Variants in ZBTB25 observed in about 807,000 individuals in gnomAD.
The protein encoded by ZBTB25 is zinc finger and BTB domain-containing protein 25.
ZBTB25 carries 20 observed loss-of-function variants against 34.2 expected under a neutral mutation model. The ratio of observed to expected loss-of-function variants is 0.58; its 90% CI spans 0.41 to 0.85. ZBTB25 has a LOEUF of 0.85. Ranked by LOEUF, ZBTB25 falls within the 40% of genes least tolerant of loss-of-function variation. ZBTB25 has a pLI of 0.00. For missense variants in ZBTB25, 437 were observed against 521.8 expected, an observed-to-expected ratio of 0.84 and a Z score of 1.58; for synonymous variants, 175 against 186.4, an observed-to-expected ratio of 0.94 and a Z score of 0.50.
At chr14:64,489,133 A>T (rs1367279334) in intron 2 of ZBTB25, among the ~76,000 whole-genome samples, 1 of 152,112 alleles carries the variant, frequency 6.6e-6, no homozygotes, top group East Asian at 1.9e-4. Context: ...CTGTGGTCCT[A>T]GCTACTAGGG....
At chr14:64,450,209 A>G (rs562341727) in intron 2 of ZBTB25, among the ~76,000 whole-genome samples, 1 of 152,372 alleles carries the variant, frequency 6.6e-6, no homozygotes, top group East Asian at 1.9e-4. Context: ...GTCAAAGTAC[A>G]GGTGGCAGAA....
At chr14:64,468,388 T>C in intron 2 of ZBTB25, 3 of 1,594,188 alleles carry the variant, frequency 1.9e-6, no homozygotes. Flanking sequence ...AAGAGTGCAG[T>C]GTAAAAATGG....
At chr14:64,503,548 G>T in intron 1 of ZBTB25, 113 bp downstream of exon 1, 3 of 986,122 alleles carry the variant, frequency 3.0e-6, no homozygotes, top group Non-Finnish European at 3.6e-6. Context: ...CCTCTCCCCA[G>T]CTACTTGCAT....
In ZBTB25 at chr14:64,485,092, T is replaced by C. The variant is rs2078844031; in HGVS notation, c.*1831A>G. On this transcript the variant is annotated 3_prime_UTR_variant, in exon 3 of 3. Transcript: ENST00000608382. ...CTCAACTGCCTTACACAATATCCAG[T>C]AGCTTTCTTCATTCAATCCTCAAGA... 1.0e-6 allele frequency: 1 copy of C among 985,356 alleles called. No individual in the cohort carries two copies. Among genetic ancestry groups the C allele is most frequent in the Admixed American group, 6.1e-5 (1 of 16,270 alleles). The allele number at this position is 985,356 out of a possible 1,614,324, so 61.0% of individuals were successfully genotyped here. A position where few individuals can be genotyped will look rare whatever the true frequency, so the allele number is the denominator to read the frequency against.
downstream of ZBTB25, among the ~76,000 whole-genome samples, chr14:64,477,015 A>G (rs2078726388): frequency 6.6e-6 from 1 of 152,216 alleles, no homozygotes; most frequent in African/African-American, 2.4e-5. Context: ...TACAAGTTCT[A>G]CCAATTTTGA....
intron 1 of ZBTB25, among the ~76,000 whole-genome samples, chr14:64,500,267 C>T (rs777781254): frequency 1.1e-4 from 17 of 151,950 alleles, no homozygotes; most frequent in African/African-American, 1.7e-4. Context: ...ATACTTCTTT[C>T]GCAATGGAAG....
In ZBTB25 at chr14:64,480,511, T is replaced by C; in HGVS notation, c.*6412A>G. 1 of 292,890 alleles carries C rather than the reference T, an allele frequency of 3.4e-6. No homozygotes were observed. 18.1% of individuals were successfully genotyped at this position (292,890 alleles called of 1,614,324 possible). A position where few individuals can be genotyped will look rare whatever the true frequency, so the allele number is the denominator to read the frequency against. On this transcript the variant is annotated 3_prime_UTR_variant, in exon 3 of 3. Transcript: ENST00000608382. ...GCATTTTTGCATCACACCTCCAAAA[T>C]GTTACCCAGTACAAAGACTACTTGC...
chr14:64,458,596 A>G, intron 2 of ZBTB25: 5 of 449,716 alleles, frequency 1.1e-5, no homozygotes, highest in South Asian at 1.1e-4. Context: ...ACTACAGGAG[A>G]GGTTAGACTC....
chr14:64,483,940 C>CAAAAAA lies in ZBTB25; in HGVS notation c.*2977_*2982dup, dbSNP rs71444659. 14 of 29,274 alleles carry CAAAAAA rather than the reference C, an allele frequency of 4.8e-4. 1 individual carries two copies. Among genetic ancestry groups the CAAAAAA allele is most frequent in the African/African-American group, 2.1e-3 (12 of 5,754 alleles). The allele number at this position is 29,274 out of a possible 1,614,324, so 1.8% of individuals were successfully genotyped here. A position where few individuals can be genotyped will look rare whatever the true frequency, so the allele number is the denominator to read the frequency against. ...GCCTGGCGACACAGCACGACTGTCT[C>CAAAAAA]AAAAAAAAAAAAAAAAAAAAAAAAA... On this transcript the variant is annotated 3_prime_UTR_variant, in exon 3 of 3. Transcript: ENST00000608382.
chr14:64,488,359 T>C (rs1851979571), intron 2 of ZBTB25, among the ~76,000 whole-genome samples: 1 of 150,476 alleles, frequency 6.6e-6, no homozygotes. Context: ...ATGCCAGCGG[T>C]AGAAAACTGA....
At chr14:64,468,620 C>A (rs375866913) in intron 2 of ZBTB25, 1 of 1,613,840 alleles carries the variant, frequency 6.2e-7, no homozygotes, top group South Asian at 1.1e-5. Context: ...AGAGCCCACA[C>A]GGGGGGCCTG....
chr14:64,471,022 A>G (rs1181768713), intron 2 of ZBTB25: 1 of 167,128 alleles, frequency 6.0e-6, no homozygotes, highest in Non-Finnish European at 1.5e-5. Context: ...GGGTGAATAG[A>G]AAAGTGAAAA....
chr14:64,469,419 T>G, intron 2 of ZBTB25: 2 of 1,613,704 alleles, frequency 1.2e-6, no homozygotes, highest in Non-Finnish European at 1.7e-6. Context: ...GCTATTATTA[T>G]TACAGACACT....
chr14:64,462,200 C>T (rs570195832), intron 2 of ZBTB25: 1 of 152,212 alleles, frequency 6.6e-6, no homozygotes, highest in South Asian at 2.1e-4. Context: ...GCAGGAGGAT[C>T]ACTTGAGCCC....
Position 64,485,747 on chromosome 14 carries a change from A to G in ZBTB25, c.*1176T>C. On this transcript the variant is annotated 3_prime_UTR_variant, in exon 3 of 3. Coordinates refer to ENST00000608382, the MANE Select transcript of ZBTB25 (RefSeq NM_006977.5). ...AAAATCAACCCAGGAAGCCCCAAAA[A>G]TCCTGACGCTGAGGGTAGAAACATG... 2 of 985,358 alleles carry G rather than the reference A, an allele frequency of 2.0e-6. No homozygotes were observed. The highest frequency in any genetic ancestry group is 9.4e-5 in the South Asian group (2 of 21,286). The allele number at this position is 985,358 out of a possible 1,614,324, so 61.0% of individuals were successfully genotyped here. A position where few individuals can be genotyped will look rare whatever the true frequency, so the allele number is the denominator to read the frequency against.
At chr14:64,492,299 T>C (rs1013800410) in intron 1 of ZBTB25, among the ~76,000 whole-genome samples, 6 of 151,910 alleles carry the variant, frequency 3.9e-5, no homozygotes, top group South Asian at 2.1e-4. Flanking sequence ...CTCCGCCTCC[T>C]GGGTTTAAGC....
At chr14:64,474,689 C>G (rs1175045656), downstream of ZBTB25, among the ~76,000 whole-genome samples, 1 of 152,198 alleles carries the variant, frequency 6.6e-6, no homozygotes, top group African/African-American at 2.4e-5. Context: ...ATATAAACAC[C>G]TACAATGCTG....
chr14:64,454,802 C>A, intron 2 of ZBTB25: 1 of 1,614,134 alleles, frequency 6.2e-7, no homozygotes, highest in South Asian at 1.1e-5. Flanking sequence ...GGTGTCCCTA[C>A]AGGCTTCATT....
At chr14:64,451,062 G>C (rs1004645740) in intron 2 of ZBTB25, among the ~76,000 whole-genome samples, 26 of 152,250 alleles carry the variant, frequency 1.7e-4, no homozygotes, top group African/African-American at 6.0e-4. Flanking sequence ...CCAGCTACTT[G>C]GAAGGCTGAG....
Sources: gnomAD v4.1 joint callset for allele counts (sites outside exome capture counted in the v4.1 genomes callset) on GRCh38, gnomAD v4.1.1 for gene constraint, MANE v1.5 for transcripts, NCBI Gene and HGNC (gene_info 2026-07-23, HGNC 2026-07-21) for gene names.